KIRREL3: variants seen among roughly 807,000 people sequenced by gnomAD.
The protein encoded by KIRREL3 is kin of IRRE-like protein 3.
In KIRREL3, 36 loss-of-function variants were observed where a neutral mutation model predicts 89.7. That is an observed-to-expected ratio of 0.40 (90% CI 0.31 to 0.53). The LOEUF (loss-of-function observed/expected upper bound fraction) is 0.53, where lower values mean the gene tolerates loss of function less well. Ranked by LOEUF, KIRREL3 falls within the 20% of genes least tolerant of loss-of-function variation. The pLI is 0.49. For missense variants in KIRREL3, 864 were observed against 1,056.6 expected, an observed-to-expected ratio of 0.82 and a Z score of 2.53; for synonymous variants, 445 against 441.4, an observed-to-expected ratio of 1.01 and a Z score of -0.10.
rs1251877970 is a variant in KIRREL3 at position 126,965,320 on chromosome 11, T to C, written c.55+35135A>G. Among the ~76,000 whole-genome samples the C allele has an allele frequency of 1.3e-5, 2 of 152,236 alleles. No homozygotes were observed. Among genetic ancestry groups the C allele is most frequent in the African/African-American group, 4.8e-5 (2 of 41,464 alleles). On this transcript the variant is annotated intron_variant, in intron 1 of 16. Coordinates refer to ENST00000525144, the MANE Select transcript of KIRREL3 (RefSeq NM_032531.4). This position sits in a 1 kb window ranked among gnomAD's most constrained non-coding sequence, Gnocchi z 4.4. The stretch of plus-strand genomic sequence containing the variant: ...TATTGCTTATTTACAGAGATGCTTT[T>C]CGGCATTTACCCATGATAAACTCTA...
chr11:126,702,070 C>A (rs1947333865), intron 1 of KIRREL3, among the ~76,000 whole-genome samples: 1 of 152,124 alleles, frequency 6.6e-6, no homozygotes, highest in Admixed American at 6.5e-5. Context: ...GGCCTGGAGC[C>A]AAAGATACCT....
intron 1 of KIRREL3, among the ~76,000 whole-genome samples, chr11:126,741,809 A>T (rs1948995896): frequency 6.6e-6 from 1 of 152,252 alleles, no homozygotes. Flanking sequence ...TAATGCAGCT[A>T]ACATTTGGGA....
chr11:126,738,278 GC>G lies in KIRREL3; in HGVS notation c.56-175367del, dbSNP rs544144649. Reference sequence around the variant, plus strand: ...GGAGTAGCCTCCAACAGCCCCTGTTGCCCCCTCCACCCCTGTCTTGCCTTAT... The same window carrying G: ...GGAGTAGCCTCCAACAGCCCCTGTTGCCCCTCCACCCCTGTCTTGCCTTAT... On this transcript the variant is annotated intron_variant, in intron 1 of 16. Coordinates refer to ENST00000525144, the MANE Select transcript of KIRREL3 (RefSeq NM_032531.4). Among the ~76,000 whole-genome samples the G allele has an allele frequency of 1.1e-3, 175 of 152,206 alleles. 1 individual carries two copies. The highest frequency in any genetic ancestry group is 4.1e-3 in the African/African-American group (169 of 41,540).
At chr11:126,497,645 A>G (rs1182013797) in intron 4 of KIRREL3, among the ~76,000 whole-genome samples, 1 of 152,238 alleles carries the variant, frequency 6.6e-6, no homozygotes, top group Non-Finnish European at 1.5e-5. Flanking sequence ...TTCTGGTTGC[A>G]CAGCGGGCTC....
rs185475278 is a variant in KIRREL3, at chr11:126,578,548, A to G, written c.56-15636T>C. On this transcript the variant is annotated intron_variant, in intron 1 of 16. Coordinates refer to ENST00000525144, the MANE Select transcript of KIRREL3 (RefSeq NM_032531.4). The surrounding 1 kb of genome is among the most constrained non-coding windows in gnomAD (Gnocchi z 4.9). Reference sequence around the variant, plus strand: ...GTGGCGTGTCCCTGTGGGTGGACACATTGTGAACAGTAAGTATCATGAATG... The same window carrying G: ...GTGGCGTGTCCCTGTGGGTGGACACGTTGTGAACAGTAAGTATCATGAATG... Among the ~76,000 whole-genome samples, 5 of 152,324 alleles carry G rather than the reference A, an allele frequency of 3.3e-5. No homozygotes were observed. The highest frequency in any genetic ancestry group is 1.9e-4 in the East Asian group (1 of 5,176).
In KIRREL3 at chr11:126,780,693, G is replaced by A. The variant is rs1950302085; in HGVS notation, c.56-217781C>T. ...TTGAGACACAAGCCAGGCCACCTGT[G>A]CTAGGCTGGCAGGTGTATCCAGGGC... On this transcript the variant is annotated intron_variant, in intron 1 of 16. Transcript: ENST00000525144. This position sits in a 1 kb window ranked among gnomAD's most constrained non-coding sequence, Gnocchi z 5.3. Among the ~76,000 whole-genome samples, 1 of 152,228 alleles carries A rather than the reference G, an allele frequency of 6.6e-6. No individual in the cohort carries two copies. The highest frequency in any genetic ancestry group is 2.4e-5 in the African/African-American group (1 of 41,448).
At chr11:126,716,674 T>C (rs748632887) in intron 1 of KIRREL3, among the ~76,000 whole-genome samples, 6 of 142,398 alleles carry the variant, frequency 4.2e-5, no homozygotes, top group Non-Finnish European at 7.5e-5. Context: ...AACAGCCAAA[T>C]GCATCTGAAA....
In KIRREL3 at chr11:126,683,799, T is replaced by G. The variant is rs1236917204; in HGVS notation, c.56-120887A>C. Reference sequence around the variant, plus strand: ...CCTGGCAGCCTCCTCTCTCTTGGGATGCAAACTGCTTATGTGGTAGAAACA... The same window carrying G: ...CCTGGCAGCCTCCTCTCTCTTGGGAGGCAAACTGCTTATGTGGTAGAAACA... On this transcript the variant is annotated intron_variant, in intron 1 of 16. Coordinates refer to ENST00000525144, the MANE Select transcript of KIRREL3 (RefSeq NM_032531.4). This position sits in a 1 kb window ranked among gnomAD's most constrained non-coding sequence, Gnocchi z 5.2. Among the ~76,000 whole-genome samples the G allele has an allele frequency of 6.6e-6, 1 of 152,202 alleles. No homozygotes were observed. The highest frequency in any genetic ancestry group is 2.4e-5 in the African/African-American group (1 of 41,450).
At position 126,986,081 on chromosome 11, in the gene KIRREL3, C is replaced by G. The variant is rs1949858832; in HGVS notation, c.55+14374G>C. ...TACCATCACTACAGTACTCAGCCACCTGGGGATGCACACAGGGTGTACACG... is the reference window on the plus strand; with the variant it reads ...TACCATCACTACAGTACTCAGCCACGTGGGGATGCACACAGGGTGTACACG... On this transcript the variant is annotated intron_variant, in intron 1 of 16. Transcript: ENST00000525144. Among the ~76,000 whole-genome samples the G allele has an allele frequency of 1.3e-5, 2 of 152,142 alleles. 1 individual carries two copies. The highest frequency in any genetic ancestry group is 4.1e-4 in the South Asian group (2 of 4,826).
chr11:126,431,171 T>C lies in KIRREL3; in HGVS notation c.1696+248A>G, dbSNP rs1955113308. On this transcript the variant is annotated intron_variant, in intron 14 of 16. Transcript: ENST00000525144. This position sits in a 1 kb window ranked among gnomAD's most constrained non-coding sequence, Gnocchi z 7.1. ...AAAGAGCTATGTGTTCAATCCAAAA[T>C]GCTGGCTGCCCTGCAGATGAAGTTC... is the stretch of plus-strand genomic sequence containing the variant. 3 of 1,450,678 alleles carry C rather than the reference T, an allele frequency of 2.1e-6. No homozygotes were observed. Among genetic ancestry groups the C allele is most frequent in the Non-Finnish European group, 2.7e-6 (3 of 1,102,554 alleles). 89.9% of individuals were successfully genotyped at this position (1,450,678 alleles called of 1,614,324 possible).
Position 126,755,783 on chromosome 11 carries a change from A to C in KIRREL3, c.56-192871T>G. Among the ~76,000 whole-genome samples, 1 of 150,092 alleles carries C rather than the reference A, an allele frequency of 6.7e-6. No individual in the cohort carries two copies. The highest frequency in any genetic ancestry group is 1.5e-5 in the Non-Finnish European group (1 of 67,730). On this transcript the variant is annotated intron_variant, in intron 1 of 16. Coordinates refer to ENST00000525144, the MANE Select transcript of KIRREL3 (RefSeq NM_032531.4). This position sits in a 1 kb window ranked among gnomAD's most constrained non-coding sequence, Gnocchi z 4.3. ...TTCTTTGCACTTTTTCCACCCCCTC[A>C]CCACTACCCTGAATGCGTGCTCGCC...
In KIRREL3 at chr11:126,423,846, T is replaced by A. The variant is rs1224196502; in HGVS notation, c.*734A>T. ...CCCAGGAGGGGCACACCCGGCGAGGTGCTCCGTCAGCACAGGCTCCCTCCT... is the reference window on the plus strand; with the variant it reads ...CCCAGGAGGGGCACACCCGGCGAGGAGCTCCGTCAGCACAGGCTCCCTCCT... On this transcript the variant is annotated 3_prime_UTR_variant, in exon 17 of 17. Coordinates refer to ENST00000525144, the MANE Select transcript of KIRREL3 (RefSeq NM_032531.4). The A allele has an allele frequency of 1.3e-5, 2 of 152,392 alleles. No homozygotes were observed. Among genetic ancestry groups the A allele is most frequent in the Non-Finnish European group, 2.9e-5 (2 of 68,386 alleles). 9.4% of individuals were successfully genotyped at this position (152,392 alleles called of 1,614,324 possible). A position where few individuals can be genotyped will look rare whatever the true frequency, so the allele number is the denominator to read the frequency against.
chr11:126,899,010 G>GT (rs1555079811), intron 1 of KIRREL3, among the ~76,000 whole-genome samples: 4 of 24,316 alleles, frequency 1.6e-4, no homozygotes, highest in Admixed American at 1.6e-3. Context: ...AGGGGAGTTT[G>GT]GGGGGGGTCT....
chr11:126,616,924 G>A (rs1943378685), intron 1 of KIRREL3, among the ~76,000 whole-genome samples: 1 of 152,246 alleles, frequency 6.6e-6, no homozygotes, highest in Non-Finnish European at 1.5e-5. Flanking sequence ...TTACAGGTGT[G>A]AGCCACTTGG....
chr11:126,988,790 G>A (rs566629744), intron 1 of KIRREL3, among the ~76,000 whole-genome samples: 3 of 152,310 alleles, frequency 2.0e-5, no homozygotes, highest in Admixed American at 6.5e-5. Context: ...ACTCAGCAGT[G>A]GGCCTGGCCA....
rs1356563678 is a variant in KIRREL3 at position 126,997,238 on chromosome 11, A to C, written c.55+3217T>G. ...AAGTTCTAAGTTTATGGATGACAAA[A>C]GAATCGATTATTTTTTCACCCAGGG... is the stretch of plus-strand genomic sequence containing the variant. On this transcript the variant is annotated intron_variant, in intron 1 of 16. Coordinates refer to ENST00000525144, the MANE Select transcript of KIRREL3 (RefSeq NM_032531.4). The surrounding 1 kb of genome is among the most constrained non-coding windows in gnomAD (Gnocchi z 4.3). Among the ~76,000 whole-genome samples the C allele has an allele frequency of 1.3e-5, 2 of 152,198 alleles. No homozygotes were observed. The highest frequency in any genetic ancestry group is 6.5e-5 in the Admixed American group (1 of 15,282).
At chr11:126,937,863 C>A (rs1260537105) in intron 1 of KIRREL3, among the ~76,000 whole-genome samples, 2 of 152,178 alleles carry the variant, frequency 1.3e-5, no homozygotes, top group Non-Finnish European at 2.9e-5. Context: ...TGCACCACTG[C>A]ACTCCAGCCT....
In KIRREL3 at chr11:126,498,801, G is replaced by T. The variant is rs1002819812; in HGVS notation, c.433+22514C>A. 6.6e-6 allele frequency among the ~76,000 whole-genome samples: 1 copy of T among 152,170 alleles called. No individual in the cohort carries two copies. Among genetic ancestry groups the T allele is most frequent in the Non-Finnish European group, 1.5e-5 (1 of 68,028 alleles). On this transcript the variant is annotated intron_variant, in intron 4 of 16. Transcript: ENST00000525144. This position sits in a 1 kb window ranked among gnomAD's most constrained non-coding sequence, Gnocchi z 4.3. ...GTCCCCCTCCCACAGGAGCACCTGC[G>T]TGGGCCCTCAGTAAATGCCAGTTCT...
In KIRREL3 at chr11:126,523,283, G is replaced by A. The variant is rs1329421169; in HGVS notation, c.284-1819C>T. 6.6e-6 allele frequency among the ~76,000 whole-genome samples: 1 copy of A among 152,150 alleles called. No individual in the cohort carries two copies. Among genetic ancestry groups the A allele is most frequent in the African/African-American group, 2.4e-5 (1 of 41,424 alleles). ...CTACACCGGGTGAAAGATCAGACTAGAGGAGCTTGAAGGCCCCTCTCACCA... is the reference window on the plus strand; with the variant it reads ...CTACACCGGGTGAAAGATCAGACTAAAGGAGCTTGAAGGCCCCTCTCACCA... On this transcript the variant is annotated intron_variant, in intron 3 of 16. Coordinates refer to ENST00000525144, the MANE Select transcript of KIRREL3 (RefSeq NM_032531.4). The surrounding 1 kb of genome is among the most constrained non-coding windows in gnomAD (Gnocchi z 4.9).
Sources: allele counts gnomAD v4.1 joint callset (sites outside exome capture counted in the v4.1 genomes callset), GRCh38; gene constraint gnomAD v4.1.1; non-coding constraint Gnocchi (gnomAD v3.1); transcripts MANE v1.5; gene names NCBI Gene and HGNC (gene_info 2026-07-23, HGNC 2026-07-21).